RBFOX1: variants seen among roughly 807,000 people sequenced by gnomAD.
RBFOX1 encodes RNA binding protein fox-1 homolog 1.
RBFOX1 carries 8 observed loss-of-function variants against 57.7 expected under a neutral mutation model. That is an observed-to-expected ratio of 0.14 (90% CI 0.08 to 0.25). The LOEUF is 0.25. RBFOX1 is among the 10% of genes least tolerant of loss of function. The pLI, the probability that RBFOX1 is intolerant of heterozygous loss-of-function variation, is 1.00. For missense variants in RBFOX1, 611 were observed against 548.5 expected (o/e 1.11, Z -1.14); for synonymous variants, 326 against 222.4 (o/e 1.47, Z -4.15).
At chr16:7,347,883 C>T (rs1321911278) in intron 4 of RBFOX1, among the ~76,000 whole-genome samples, 1 of 152,140 alleles carries the variant, frequency 6.6e-6, no homozygotes, top group African/African-American at 2.4e-5. Flanking sequence ...AGGCGTCTTG[C>T]AGGGTGTATT....
chr16:7,342,985 A>G (rs891085265), intron 4 of RBFOX1, among the ~76,000 whole-genome samples: 2 of 152,100 alleles, frequency 1.3e-5, no homozygotes, highest in Admixed American at 1.3e-4. Context: ...TTTGTCCAGA[A>G]CATGCTGGGA....
At chr16:6,872,163 G>A (rs768354671) in intron 3 of RBFOX1, among the ~76,000 whole-genome samples, 5 of 152,138 alleles carry the variant, frequency 3.3e-5, no homozygotes, top group Non-Finnish European at 1.5e-5. Context: ...AACTGTGAGA[G>A]CAGTACTACG....
intron 4 of RBFOX1, among the ~76,000 whole-genome samples, chr16:7,427,045 A>T (rs73604140): frequency 1.3e-5 from 2 of 152,314 alleles, no homozygotes; most frequent in East Asian, 3.9e-4. Context: ...GTTCTCACTC[A>T]TAGGTGGGAA....
At chr16:5,968,865 A>G (rs181575618) in intron 4 of RBFOX1, among the ~76,000 whole-genome samples, 13 of 152,214 alleles carry the variant, frequency 8.5e-5, no homozygotes, top group Admixed American at 8.5e-4. Flanking sequence ...AAAATGTGCT[A>G]CGTACTCTTG....
intron 1 of RBFOX1, among the ~76,000 whole-genome samples, chr16:5,309,609 G>C (rs548157982): frequency 2.2e-4 from 33 of 152,200 alleles, no homozygotes; most frequent in South Asian, 6.2e-4. Context: ...TAACCATCAC[G>C]TGAATAGTGT....
chr16:7,446,201 G>C (rs1598599301), intron 4 of RBFOX1, among the ~76,000 whole-genome samples: 1 of 152,120 alleles, frequency 6.6e-6, no homozygotes, highest in East Asian at 1.9e-4. Flanking sequence ...CAGTTCTCCT[G>C]GTTATTAAAG....
At chr16:5,636,305 G>T (rs11867100) in intron 3 of RBFOX1, among the ~76,000 whole-genome samples, 39,579 of 151,972 alleles carry the variant, frequency 0.26, 5,646 homozygotes, top group South Asian at 0.41. Context: ...CCAAGATTGC[G>T]CCATTTCACC....
At chr16:5,508,359 A>G (rs537736878) in intron 2 of RBFOX1, among the ~76,000 whole-genome samples, 12 of 152,248 alleles carry the variant, frequency 7.9e-5, no homozygotes, top group African/African-American at 2.6e-4. Context: ...CCCCACTCCA[A>G]TGCGGCCACT....
chr16:7,223,331 A>G (rs901239969), intron 4 of RBFOX1, among the ~76,000 whole-genome samples: 2 of 152,224 alleles, frequency 1.3e-5, no homozygotes, highest in Admixed American at 1.3e-4. Context: ...TTCCGTGAGG[A>G]TAGAATTTGA....
chr16:7,089,248 G>T (rs146242333), intron 4 of RBFOX1, among the ~76,000 whole-genome samples: 1 of 152,142 alleles, frequency 6.6e-6, no homozygotes, highest in Non-Finnish European at 1.5e-5. Flanking sequence ...TGCGTATCAC[G>T]AAAGAGGTAT....
intron 4 of RBFOX1, among the ~76,000 whole-genome samples, chr16:5,992,911 T>G (rs1020702611): frequency 6.6e-6 from 1 of 152,138 alleles, no homozygotes; most frequent in Non-Finnish European, 1.5e-5. Flanking sequence ...CACTCCAGCC[T>G]GGGTGTCAGA....
chr16:5,830,160 G>T (rs931841813), intron 3 of RBFOX1, among the ~76,000 whole-genome samples: 1 of 152,118 alleles, frequency 6.6e-6, no homozygotes, highest in Non-Finnish European at 1.5e-5. Context: ...GCAGCTCAGG[G>T]TCTGATATTA....
chr16:6,485,790 T>C (rs2095467155), intron 2 of RBFOX1, among the ~76,000 whole-genome samples: 2 of 152,216 alleles, frequency 1.3e-5, no homozygotes, highest in Admixed American at 1.3e-4. Context: ...AGCTTATTTT[T>C]ACATTTGTCT....
At chr16:7,347,982 C>T (rs996807728) in intron 4 of RBFOX1, among the ~76,000 whole-genome samples, 5 of 152,164 alleles carry the variant, frequency 3.3e-5, no homozygotes, top group Non-Finnish European at 5.9e-5. Context: ...GAAAGCAAGG[C>T]CCACCTTGGT....
In RBFOX1 at chr16:6,558,938, G is replaced by A. The variant is rs567017342; in HGVS notation, c.-63-95665G>A. ...CTCCTGCCTCACCACAACCTTTGCA[G>A]AGTTAGCTTTTACTTCTCCTTTCAC... On this transcript the variant is annotated intron_variant, in intron 2 of 15. Transcript: ENST00000550418. 2.6e-5 allele frequency among the ~76,000 whole-genome samples: 4 copies of A among 152,164 alleles called. No individual in the cohort carries two copies. In the South Asian group the frequency reaches 8.3e-4, roughly 32 times the overall value.
chr16:6,229,178 C>G (rs2097439457), intron 1 of RBFOX1, among the ~76,000 whole-genome samples: 2 of 152,094 alleles, frequency 1.3e-5, no homozygotes, highest in African/African-American at 4.8e-5. Flanking sequence ...ACTATAATGT[C>G]ATTCTGTAGT....
chr16:6,929,808 G>T (rs775624106), intron 3 of RBFOX1, among the ~76,000 whole-genome samples: 10 of 152,052 alleles, frequency 6.6e-5, no homozygotes, highest in South Asian at 2.1e-4. Flanking sequence ...CAAAGAAGTT[G>T]CTCATGCTGT....
intron 1 of RBFOX1, among the ~76,000 whole-genome samples, chr16:5,297,518 C>T (rs779461194): frequency 1.1e-4 from 16 of 151,994 alleles, no homozygotes; most frequent in South Asian, 2.1e-4. Flanking sequence ...TTTTATATAC[C>T]GGTGGGTCAT....
chr16:5,633,693 G>T (rs921878981), intron 3 of RBFOX1, among the ~76,000 whole-genome samples: 8 of 152,022 alleles, frequency 5.3e-5, no homozygotes, highest in Non-Finnish European at 8.8e-5. Context: ...GGCCAACATC[G>T]TGAAACTCCG....
Sources: gnomAD v4.1 joint callset for allele counts (sites outside exome capture counted in the v4.1 genomes callset) on GRCh38, gnomAD v4.1.1 for gene constraint, MANE v1.5 for transcripts, NCBI Gene and HGNC (gene_info 2026-07-23, HGNC 2026-07-21) for gene names.